Variants in ZFHX3 observed in about 807,000 individuals in gnomAD.
The protein encoded by ZFHX3 is zinc finger homeobox protein 3.
In ZFHX3, 42 loss-of-function variants were observed where a neutral mutation model predicts 279.1. That is an observed-to-expected ratio of 0.15 (90% CI 0.12 to 0.19). The LOEUF is 0.19. Ranked by LOEUF, ZFHX3 falls within the 10% of genes least tolerant of loss-of-function variation. The pLI is 1.00. For synonymous variants in ZFHX3, 2,293 were observed against 1,957.8 expected, an observed-to-expected ratio of 1.17 and a Z score of -4.52; for missense variants, 4,981 against 4,754.0, an observed-to-expected ratio of 1.05 and a Z score of -1.40.
intron 5 of ZFHX3, among the ~76,000 whole-genome samples, chr16:73,248,334 G>A (rs1221839660): frequency 6.6e-6 from 1 of 151,728 alleles, no homozygotes; most frequent in African/African-American, 2.4e-5. Flanking sequence ...TGTATGTGGA[G>A]AGTGTGTATG....
upstream of ZFHX3, among the ~76,000 whole-genome samples, chr16:73,063,268 A>G (rs1965708962): frequency 6.6e-6 from 1 of 152,188 alleles, no homozygotes; most frequent in African/African-American, 2.4e-5. Context: ...GGCAGCTGTG[A>G]TTTAGGGGTC....
chr16:73,750,407 C>T (rs562408740), intron 1 of ZFHX3, among the ~76,000 whole-genome samples: 117 of 152,226 alleles, frequency 7.7e-4, no homozygotes, highest in African/African-American at 2.8e-3. Context: ...ATGATAATCG[C>T]ATTTGCAGAT....
chr16:73,821,317 C>T (rs1960734256), intron 1 of ZFHX3, among the ~76,000 whole-genome samples: 2 of 152,178 alleles, frequency 1.3e-5, no homozygotes, highest in Admixed American at 1.3e-4. Flanking sequence ...ATGTGGTCGG[C>T]AGCACACTGA....
At chr16:73,888,826 T>C (rs1338562081) in intron 1 of ZFHX3, among the ~76,000 whole-genome samples, 1 of 151,820 alleles carries the variant, frequency 6.6e-6, no homozygotes, top group East Asian at 1.9e-4. Flanking sequence ...GAGGTCTAGT[T>C]AAGGTGCAGA....
chr16:73,633,487 A>C (rs1245870956), intron 2 of ZFHX3, among the ~76,000 whole-genome samples: 1 of 152,216 alleles, frequency 6.6e-6, no homozygotes, highest in Non-Finnish European at 1.5e-5. Flanking sequence ...TCTTTGCAGG[A>C]AAGTGAGGGG....
intron 3 of ZFHX3, among the ~76,000 whole-genome samples, chr16:73,350,153 T>C (rs1216688697): frequency 6.6e-6 from 1 of 152,114 alleles, no homozygotes; most frequent in East Asian, 1.9e-4. Context: ...CCAATTATAA[T>C]GGACCTATAG....
At chr16:73,170,791 A>AT (rs752779746) in intron 5 of ZFHX3, among the ~76,000 whole-genome samples, 1 of 152,018 alleles carries the variant, frequency 6.6e-6, no homozygotes, top group Non-Finnish European at 1.5e-5. Flanking sequence ...TCAGTCAGAG[A>AT]TTTTCAGGAA....
At chr16:73,540,803 C>A (rs569638344) in intron 2 of ZFHX3, among the ~76,000 whole-genome samples, 3 of 152,192 alleles carry the variant, frequency 2.0e-5, no homozygotes, top group Non-Finnish European at 4.4e-5. Context: ...GTCACTCTCA[C>A]GCAAAGCCAT....
At chr16:72,977,346 C>A (rs1022486789) in intron 1 of ZFHX3, among the ~76,000 whole-genome samples, 5 of 152,184 alleles carry the variant, frequency 3.3e-5, no homozygotes, top group African/African-American at 1.2e-4. Flanking sequence ...ACACTCACTG[C>A]ACTGCACAAG....
At chr16:72,988,325 T>A (rs1962932828) in intron 1 of ZFHX3, among the ~76,000 whole-genome samples, 1 of 152,174 alleles carries the variant, frequency 6.6e-6, no homozygotes, top group Non-Finnish European at 1.5e-5. Context: ...GGAGCTACTC[T>A]TCCCGCTCCC....
chr16:73,245,709 AC>A (rs1286208989), intron 5 of ZFHX3, among the ~76,000 whole-genome samples: 1 of 152,092 alleles, frequency 6.6e-6, no homozygotes, highest in Non-Finnish European at 1.5e-5. Flanking sequence ...CCCTTCCAGA[AC>A]CCCATGGAAA....
At chr16:72,808,471 T>A (rs1042521323) in intron 7 of ZFHX3, among the ~76,000 whole-genome samples, 1 of 152,214 alleles carries the variant, frequency 6.6e-6, no homozygotes, top group Admixed American at 6.5e-5. Flanking sequence ...AAGAGAAAAC[T>A]CATCCTTGCA....
chr16:73,251,367 C>T (rs183495870), intron 5 of ZFHX3, among the ~76,000 whole-genome samples: 1 of 152,286 alleles, frequency 6.6e-6, no homozygotes, highest in Non-Finnish European at 1.5e-5. Context: ...ATAATGACAA[C>T]AGCGAGCACG....
intron 6 of ZFHX3, among the ~76,000 whole-genome samples, chr16:73,136,095 A>G (rs1301432318): frequency 6.6e-6 from 1 of 152,078 alleles, no homozygotes; most frequent in African/African-American, 2.4e-5. Flanking sequence ...TGAACTTGTG[A>G]TCCGCCCTCC....
At chr16:73,606,044 G>A (rs1238909304) in intron 2 of ZFHX3, among the ~76,000 whole-genome samples, 5 of 151,700 alleles carry the variant, frequency 3.3e-5, no homozygotes, top group South Asian at 2.1e-4. Flanking sequence ...TTACCCCGGC[G>A]TGGTGGCGGG....
chr16:73,078,657 T>C (rs1352091059), intron 8 of ZFHX3, among the ~76,000 whole-genome samples: 4 of 151,738 alleles, frequency 2.6e-5, no homozygotes, highest in Non-Finnish European at 4.4e-5. Context: ...GAACTTTTTT[T>C]TTTTTGAGAT....
At chr16:73,029,667 G>T (rs1397955146) in intron 1 of ZFHX3, among the ~76,000 whole-genome samples, 1 of 152,196 alleles carries the variant, frequency 6.6e-6, no homozygotes, top group East Asian at 1.9e-4. Flanking sequence ...CAAACGATTT[G>T]CTCACAAGGC....
chr16:72,927,299 C>T (rs903584166), intron 3 of ZFHX3, among the ~76,000 whole-genome samples: 3 of 152,180 alleles, frequency 2.0e-5, no homozygotes, highest in Non-Finnish European at 2.9e-5. Context: ...AATCCTTCCT[C>T]CTTGTCTTCC....
chr16:72,996,426 A>T (rs1963295994), intron 1 of ZFHX3, among the ~76,000 whole-genome samples: 1 of 152,202 alleles, frequency 6.6e-6, no homozygotes, highest in African/African-American at 2.4e-5. Context: ...TCTTCTGTAA[A>T]CCAGTGTGCC....
Sources: gnomAD v4.1 joint callset for allele counts (sites outside exome capture counted in the v4.1 genomes callset) on GRCh38, gnomAD v4.1.1 for gene constraint, MANE v1.5 for transcripts, NCBI Gene and HGNC (gene_info 2026-07-23, HGNC 2026-07-21) for gene names.